CREM: variants seen among roughly 807,000 people sequenced by gnomAD.
The protein encoded by CREM is cAMP-responsive element modulator.
CREM carries 13 observed loss-of-function variants against 37.3 expected under a neutral mutation model. That is an observed-to-expected ratio of 0.35 (90% CI 0.23 to 0.55). The LOEUF (loss-of-function observed/expected upper bound fraction) is 0.55. Among genes scored for constraint, CREM ranks in the 20% least tolerant of loss-of-function variants. The pLI is 0.88. For synonymous variants in CREM, 124 were observed against 120.2 expected (o/e 1.03, Z -0.21); for missense variants, 296 against 362.3 (o/e 0.82, Z 1.49).
rs2094238892 is a variant in CREM at position 35,179,134 on chromosome 10, G to A, written c.267G>A (p.Arg89=). 1.2e-6 allele frequency: 2 copies of A among 1,607,352 alleles called. No individual in the cohort carries two copies. The highest frequency in any genetic ancestry group is 2.7e-5 in the African/African-American group (2 of 74,682). ...CTTACCTTGTTAAATTGTATTTTAG[G>A]AAAATACTGAATGAACTGTCCTCTG... is the stretch of plus-strand genomic sequence containing the variant. ...REILSRRPSY[R]KILNELSSDV... is the part of the protein sequence containing the mutation. The change falls in exon 5 of 8, where the codon AGG becomes AGA. Residue 89 remains arginine (R), a splice_region_variant and synonymous_variant. Coordinates refer to ENST00000685392, the MANE Select transcript of CREM (RefSeq NM_183011.2).
At chr10:35,211,045 T>C (rs1215272406) in intron 7 of CREM, among the ~76,000 whole-genome samples, 1 of 152,254 alleles carries the variant, frequency 6.6e-6, no homozygotes, top group African/African-American at 2.4e-5. Context: ...TTGTGATGAA[T>C]GCTGGGCGAA....
intron 6 of CREM, among the ~76,000 whole-genome samples, chr10:35,203,429 C>CA (rs1309945319): frequency 2.0e-5 from 3 of 152,162 alleles, no homozygotes; most frequent in Non-Finnish European, 4.4e-5. Flanking sequence ...CGCAGTGGCT[C>CA]ACGCCTGTGA....
At chr10:35,141,795 C>T (rs2091467618) in intron 2 of CREM, among the ~76,000 whole-genome samples, 2 of 152,022 alleles carry the variant, frequency 1.3e-5, no homozygotes. Context: ...AAGCAGAGTC[C>T]CGAAGACATG....
At chr10:35,209,504 AGTAATAT>A in intron 7 of CREM, 1 of 263,370 alleles carries the variant, frequency 3.8e-6, no homozygotes, top group Non-Finnish European at 5.9e-6. Context: ...TTTTGACTCT[AGTAATAT>A]GTGTGTCTGT....
At chr10:35,196,700 T>C (rs745937042) in intron 6 of CREM, among the ~76,000 whole-genome samples, 9 of 152,190 alleles carry the variant, frequency 5.9e-5, no homozygotes, top group Non-Finnish European at 1.2e-4. Flanking sequence ...ACACTGCATG[T>C]CATATGATTC....
chr10:35,176,100 C>A, intron 3 of CREM: 1 of 1,422,468 alleles, frequency 7.0e-7, no homozygotes, highest in Non-Finnish European at 9.3e-7. Flanking sequence ...AGTGCTTATA[C>A]GCAAATCTTT....
chr10:35,189,358 G>A (rs915314829), intron 6 of CREM, among the ~76,000 whole-genome samples: 1 of 152,052 alleles, frequency 6.6e-6, no homozygotes, highest in Non-Finnish European at 1.5e-5. Context: ...TAATTCAGTT[G>A]TGCCTATGAT....
intron 5 of CREM, among the ~76,000 whole-genome samples, chr10:35,180,917 A>G (rs1321150560): frequency 1.3e-5 from 2 of 152,174 alleles, no homozygotes; most frequent in African/African-American, 4.8e-5. Context: ...ACATGTCATC[A>G]TGTTCTGTTT....
rs114497683 is a variant in CREM, at chr10:35,191,652, C to A, written c.598+3264C>A. Among the ~76,000 whole-genome samples, 414 of 152,218 alleles carry A rather than the reference C, an allele frequency of 2.7e-3. 3 individuals are homozygous for A. The highest frequency in any genetic ancestry group is 8.4e-3 in the African/African-American group (348 of 41,522). ...TTAACACTGTCGACTTCTGCTTCCTCCACTTCCTGAGACTGTGTCCTCCTT... is the reference window on the plus strand; with the variant it reads ...TTAACACTGTCGACTTCTGCTTCCTACACTTCCTGAGACTGTGTCCTCCTT... On this transcript the variant is annotated intron_variant, in intron 6 of 7. Transcript: ENST00000685392.
intron 3 of CREM, among the ~76,000 whole-genome samples, chr10:35,160,794 AT>A (rs1259709978): frequency 4.6e-5 from 7 of 152,036 alleles, no homozygotes; most frequent in Admixed American, 3.3e-4. Flanking sequence ...GAAATTTTTT[AT>A]TTTTTTTATT....
At position 35,196,865 on chromosome 10, in the gene CREM, C is replaced by CTT. The variant is rs58503822; in HGVS notation, c.598+8498_598+8499dup. ...TAAAATGATGTGAAAACGCTGTGTACTTTTTTTTTTTTTTTTTTTTTTGAG... is the reference window on the plus strand; with the variant it reads ...TAAAATGATGTGAAAACGCTGTGTACTTTTTTTTTTTTTTTTTTTTTTTTGAG... On this transcript the variant is annotated intron_variant, in intron 6 of 7. Transcript: ENST00000685392. 5.6e-3 allele frequency among the ~76,000 whole-genome samples: 613 copies of CTT among 108,860 alleles called. 17 individuals are homozygous for CTT. Among genetic ancestry groups the CTT allele is most frequent in the East Asian group, 0.022 (83 of 3,774 alleles). 71.4% of individuals were successfully genotyped at this position (108,860 alleles called of 152,430 possible). A position where few individuals can be genotyped will look rare whatever the true frequency, so the allele number is the denominator to read the frequency against.
rs546379789 is a variant in CREM, at chr10:35,179,918, A to G, written c.409+642A>G. 1.6e-4 allele frequency: 25 copies of G among 152,442 alleles called. No individual in the cohort carries two copies. The East Asian group carries it at 4.1e-3, about 25-fold the overall frequency. 9.4% of individuals were successfully genotyped at this position (152,442 alleles called of 1,614,324 possible). A position where few individuals can be genotyped will look rare whatever the true frequency, so the allele number is the denominator to read the frequency against. On this transcript the variant is annotated intron_variant, in intron 5 of 7. Transcript: ENST00000685392. Reference sequence around the variant, plus strand: ...GATTAAAGCACTAGTTTTTTTCCCAAAAGAAGAGTGTTTGATACGTAAAAA... The same window carrying G: ...GATTAAAGCACTAGTTTTTTTCCCAGAAGAAGAGTGTTTGATACGTAAAAA...
At chr10:35,159,884 A>T (rs780685400) in intron 3 of CREM, among the ~76,000 whole-genome samples, 2 of 152,242 alleles carry the variant, frequency 1.3e-5, no homozygotes, top group Non-Finnish European at 2.9e-5. Context: ...AAACAACCTG[A>T]TTTTCTAAAA....
intron 7 of CREM, among the ~76,000 whole-genome samples, chr10:35,209,944 C>T (rs2095627848): frequency 6.6e-6 from 1 of 151,916 alleles, no homozygotes. Context: ...GTCCATTGTT[C>T]CTGGCTAGGA....
At chr10:35,171,794 A>G (rs1469118569) in intron 3 of CREM, among the ~76,000 whole-genome samples, 4 of 152,246 alleles carry the variant, frequency 2.6e-5, no homozygotes, top group Non-Finnish European at 5.9e-5. Context: ...ATTGAGAGCC[A>G]CTGGGATCTG....
intron 3 of CREM, among the ~76,000 whole-genome samples, chr10:35,170,181 G>C (rs1462799011): frequency 6.6e-6 from 1 of 152,010 alleles, no homozygotes; most frequent in Non-Finnish European, 1.5e-5. Flanking sequence ...TAGCCAGGAT[G>C]GTCTCTATCT....
chr10:35,208,064 C>G (rs1316404403), intron 7 of CREM, among the ~76,000 whole-genome samples: 1 of 152,178 alleles, frequency 6.6e-6, no homozygotes, highest in African/African-American at 2.4e-5. Flanking sequence ...TAGCTTCTCT[C>G]TGAGAAAAAT....
rs371182851 is a variant in CREM at position 35,211,296 on chromosome 10, C to G, written c.798C>G (p.Val266=). Residue 266 remains valine (V), a synonymous_variant, in exon 8 of 8, where the codon GTC becomes GTG. Coordinates refer to ENST00000685392, the MANE Select transcript of CREM (RefSeq NM_183011.2). ...RECRRKKKEY[V]KCLENRVAVL... is the part of the protein sequence containing the mutation. ...GTCGCAGGAAGAAGAAAGAATATGT[C>G]AAATGTCTTGAAAATCGTGTGGCTG... The G allele has an allele frequency of 1.8e-5, 29 of 1,613,574 alleles. No homozygotes were observed. Among genetic ancestry groups the G allele is most frequent in the Non-Finnish European group, 2.2e-5 (26 of 1,179,872 alleles).
At chr10:35,156,932 GCAA>G (rs1368907908) in intron 3 of CREM, among the ~76,000 whole-genome samples, 6 of 152,082 alleles carry the variant, frequency 3.9e-5, no homozygotes, top group Non-Finnish European at 8.8e-5. Flanking sequence ...ATATAAAGAT[GCAA>G]CAACAACAAC....
Sources: allele counts gnomAD v4.1 joint callset (sites outside exome capture counted in the v4.1 genomes callset), GRCh38; gene constraint gnomAD v4.1.1; transcripts MANE v1.5; gene names NCBI Gene and HGNC (gene_info 2026-07-23, HGNC 2026-07-21).